The following BCAS3 variants were observed in gnomAD, a reference collection of about 807,000 sequenced individuals.
BCAS3 encodes the protein BCAS3 microtubule associated cell migration factor.
BCAS3 carries 53 observed loss-of-function variants against 116.1 expected under a neutral mutation model. The ratio of observed to expected loss-of-function variants is 0.46; its 90% CI spans 0.37 to 0.57. BCAS3 has a LOEUF of 0.57. BCAS3 is among the 20% of genes least tolerant of loss of function. The pLI is 0.00. For missense variants in BCAS3, 917 were observed against 1,165.4 expected (o/e 0.79, Z 3.10); for synonymous variants, 391 against 408.2 (o/e 0.96, Z 0.51).
At chr17:61,079,881 T>G (rs34957780) in intron 21 of BCAS3, among the ~76,000 whole-genome samples, 1 of 123,170 alleles carries the variant, frequency 8.1e-6, no homozygotes, top group African/African-American at 3.7e-5. Context: ...CAGGCATGAG[T>G]ATTTTTTTTT....
chr17:60,846,885 T>C (rs2052587962), intron 7 of BCAS3, among the ~76,000 whole-genome samples: 1 of 152,078 alleles, frequency 6.6e-6, no homozygotes, highest in Admixed American at 6.6e-5. Flanking sequence ...ATTTAGCACA[T>C]TTACAATGTT....
intron 19 of BCAS3, among the ~76,000 whole-genome samples, chr17:61,045,913 TTATATATATAATATATATAAA>T (rs2068093658): frequency 3.8e-5 from 1 of 26,148 alleles, no homozygotes; most frequent in Non-Finnish European, 5.1e-5. Flanking sequence ...AAATATATAT[TTATATATATAATATATATAAA>T]TATATATATT....
chr17:60,810,416 T>A, intron 7 of BCAS3: 1 of 527,112 alleles, frequency 1.9e-6, no homozygotes, highest in Non-Finnish European at 3.6e-6. Flanking sequence ...AAAGAGACCA[T>A]GCAAAGCCTG....
chr17:60,817,057 AGTT>A (rs377559211), intron 7 of BCAS3, among the ~76,000 whole-genome samples: 1 of 152,222 alleles, frequency 6.6e-6, no homozygotes, highest in African/African-American at 2.4e-5. Context: ...AAATAATCCC[AGTT>A]GTTCATATTT....
At chr17:61,067,764 C>T (rs1245505242) in intron 19 of BCAS3, among the ~76,000 whole-genome samples, 1 of 146,766 alleles carries the variant, frequency 6.8e-6, no homozygotes, top group Non-Finnish European at 1.5e-5. Flanking sequence ...TATAGAAACA[C>T]ACACATGTAT....
chr17:60,834,996 AT>A (rs60560079), intron 7 of BCAS3, among the ~76,000 whole-genome samples: 24,275 of 151,734 alleles, frequency 0.16, 2,108 homozygotes, highest in African/African-American at 0.22. Flanking sequence ...TTTCTTTATC[AT>A]TAACTAAAAT....
intron 23 of BCAS3, chr17:61,384,465 A>T (rs1157384552): frequency 6.6e-6 from 1 of 152,310 alleles, no homozygotes; most frequent in Non-Finnish European, 1.5e-5. Flanking sequence ...ACAGATGCTG[A>T]CGCAGATGAG....
chr17:60,845,942 T>G (rs1299792488), intron 7 of BCAS3, among the ~76,000 whole-genome samples: 1 of 151,734 alleles, frequency 6.6e-6, no homozygotes, highest in Non-Finnish European at 1.5e-5. Context: ...AATTTTTTTT[T>G]TTTTGAGACT....
At chr17:60,739,479 G>T (rs2041312452) in intron 5 of BCAS3, among the ~76,000 whole-genome samples, 1 of 152,126 alleles carries the variant, frequency 6.6e-6, no homozygotes, top group Non-Finnish European at 1.5e-5. Context: ...AATTAGCCAG[G>T]TGTAGGGGCA....
intron 12 of BCAS3, among the ~76,000 whole-genome samples, chr17:60,919,718 T>C (rs1053420582): frequency 6.6e-6 from 1 of 151,846 alleles, no homozygotes; most frequent in African/African-American, 2.4e-5. Flanking sequence ...AAATTGGTAA[T>C]ACATAGGAAG....
At chr17:61,074,391 G>A (rs1315384113) in intron 19 of BCAS3, among the ~76,000 whole-genome samples, 3 of 152,136 alleles carry the variant, frequency 2.0e-5, no homozygotes, top group Non-Finnish European at 2.9e-5. Flanking sequence ...GTTTTACTAA[G>A]CAAATGTTCC....
intron 15 of BCAS3, among the ~76,000 whole-genome samples, chr17:60,996,797 A>G (rs993516067): frequency 6.6e-6 from 1 of 152,228 alleles, no homozygotes; most frequent in Non-Finnish European, 1.5e-5. Context: ...TTAAGTAGCC[A>G]GTGACATACA....
At chr17:61,093,902 CAT>C (rs1170283015) in intron 22 of BCAS3, among the ~76,000 whole-genome samples, 1 of 152,204 alleles carries the variant, frequency 6.6e-6, no homozygotes, top group African/African-American at 2.4e-5. Flanking sequence ...CATTTCCACA[CAT>C]GTGCATTTGT....
At chr17:60,689,612 T>A in intron 3 of BCAS3, 74 bp from the exon 4 acceptor site, 1 of 1,125,022 alleles carries the variant, frequency 8.9e-7, no homozygotes, top group Non-Finnish European at 1.3e-6. Flanking sequence ...TGGCTTTAAG[T>A]CACTTTGTTT....
intron 9 of BCAS3, chr17:60,886,320 A>G (rs1248278625): frequency 2.3e-5 from 3 of 132,996 alleles, no homozygotes; most frequent in African/African-American, 8.5e-5. Context: ...ACTTCTCTGT[A>G]TTGGTTATTC....
rs908874234 is a variant in BCAS3, at chr17:61,213,403, C to T, written c.2425+128839C>T. 6.6e-6 allele frequency among the ~76,000 whole-genome samples: 1 copy of T among 151,960 alleles called. No individual in the cohort carries two copies. Among genetic ancestry groups the T allele is most frequent in the African/African-American group, 2.4e-5 (1 of 41,370 alleles). On this transcript the variant is annotated intron_variant, in intron 22 of 23. Transcript: ENST00000407086. The surrounding 1 kb of genome is among the most constrained non-coding windows in gnomAD (Gnocchi z 5.4). ...CAGGCTGGTCTTGAACTCCTGACCT[C>T]GTGATCCACCCGCCTCGACTTCCCA... is the stretch of plus-strand genomic sequence containing the variant.
At chr17:60,680,450 C>A (rs1030149188) in intron 2 of BCAS3, among the ~76,000 whole-genome samples, 1 of 152,018 alleles carries the variant, frequency 6.6e-6, no homozygotes, top group East Asian at 1.9e-4. Context: ...TGATAGGCAC[C>A]AGTGTGTGGT....
At chr17:61,195,543 C>CT (rs112302026) in intron 22 of BCAS3, among the ~76,000 whole-genome samples, 29,935 of 81,090 alleles carry the variant, frequency 0.37, 3,491 homozygotes, top group Non-Finnish European at 0.46. Context: ...CTTTTTCTTT[C>CT]TTTTTTTTTT....
chr17:61,369,333 CCTG>C (rs769346256), intron 23 of BCAS3, among the ~76,000 whole-genome samples: 2 of 152,200 alleles, frequency 1.3e-5, no homozygotes, highest in Non-Finnish European at 2.9e-5. Context: ...CCTTTTCTCT[CCTG>C]CTTGCCTGAG....
Sources: allele counts gnomAD v4.1 joint callset (sites outside exome capture counted in the v4.1 genomes callset), GRCh38; gene constraint gnomAD v4.1.1; non-coding constraint Gnocchi (gnomAD v3.1); transcripts MANE v1.5; gene names NCBI Gene and HGNC (gene_info 2026-07-23, HGNC 2026-07-21).